TNFRSF10B: variants seen among roughly 807,000 people sequenced by gnomAD.
TNFRSF10B encodes tumor necrosis factor receptor superfamily member 10B.
Under a neutral mutation model 41.4 loss-of-function variants are expected in TNFRSF10B, and 35 were observed. That is an observed-to-expected ratio of 0.85 (90% CI 0.65 to 1.12). The LOEUF (loss-of-function observed/expected upper bound fraction) is 1.12, where lower values mean the gene tolerates loss of function less well. Ranked by LOEUF, TNFRSF10B falls within the 50% of genes most tolerant of loss-of-function variation. TNFRSF10B has a pLI of 0.00. For missense variants in TNFRSF10B, 584 were observed against 552.7 expected (o/e 1.06, Z -0.57); for synonymous variants, 230 against 215.5 (o/e 1.07, Z -0.59).
At position 23,021,518 on chromosome 8, in the gene TNFRSF10B, G is replaced by T. The variant is rs1233151204; in HGVS notation, c.*1153C>A. 1 of 454,132 alleles carries T rather than the reference G, an allele frequency of 2.2e-6. No homozygotes were observed. Among genetic ancestry groups the T allele is most frequent in the Admixed American group, 2.3e-5 (1 of 42,580 alleles). The allele number at this position is 454,132 out of a possible 1,614,324, so 28.1% of individuals were successfully genotyped here. On this transcript the variant is annotated 3_prime_UTR_variant, in exon 9 of 9. Transcript: ENST00000276431. The stretch of plus-strand genomic sequence containing the variant: ...TCTCCTGAGCCCAAACAGGGCTCAA[G>T]TTCACTTGGGATATGACATAGACCC...
rs1445522994 is a variant in TNFRSF10B, at chr8:23,034,449, G to A, written c.251-3577C>T. 3.3e-5 allele frequency among the ~76,000 whole-genome samples: 5 copies of A among 152,300 alleles called. 1 individual carries two copies. Among genetic ancestry groups the A allele is most frequent in the Admixed American group, 1.3e-4 (2 of 15,294 alleles). ...TAGTAAATCAAAAGCAATACCAGAT[G>A]GGCATGGTGGCTCATGTCTGTAATT... On this transcript the variant is annotated intron_variant, in intron 2 of 8. Transcript: ENST00000276431.
Position 23,043,381 on chromosome 8 carries a change from T to A in TNFRSF10B, c.145-138A>T, listed in dbSNP as rs571657307. ...TCTTGCAGCTCTCACCTCTCAAACATCCTTTAGTGTTTGTTTGTCCCTTCA... is the reference window on the plus strand; with the variant it reads ...TCTTGCAGCTCTCACCTCTCAAACAACCTTTAGTGTTTGTTTGTCCCTTCA... On this transcript the variant is annotated intron_variant, in intron 1 of 8. Coordinates refer to ENST00000276431, the MANE Select transcript of TNFRSF10B (RefSeq NM_003842.5). 1.0e-4 allele frequency: 67 copies of A among 671,734 alleles called. No individual in the cohort carries two copies. In the South Asian group the frequency reaches 1.1e-3, roughly 11 times the overall value. The allele number at this position is 671,734 out of a possible 1,614,324, so 41.6% of individuals were successfully genotyped here.
At chr8:23,044,988 G>T (rs932823739) in intron 1 of TNFRSF10B, among the ~76,000 whole-genome samples, 3 of 147,574 alleles carry the variant, frequency 2.0e-5, no homozygotes, top group African/African-American at 7.5e-5. Context: ...GGCCGAGACG[G>T]ATGGATCACT....
chr8:23,035,469 C>T (rs1159979834), intron 2 of TNFRSF10B, among the ~76,000 whole-genome samples: 1 of 152,088 alleles, frequency 6.6e-6, no homozygotes, highest in African/African-American at 2.4e-5. Context: ...CCTTTCCCTT[C>T]CACAAGATAA....
chr8:23,042,265 T>A (rs116704002), intron 2 of TNFRSF10B, among the ~76,000 whole-genome samples: 1 of 152,250 alleles, frequency 6.6e-6, no homozygotes, highest in Non-Finnish European at 1.5e-5. Context: ...ATGTGAGGGT[T>A]TGCCCTCAGG....
Position 23,022,901 on chromosome 8 carries a change from C to T in TNFRSF10B, c.1093G>A (p.Asp365Asn), listed in dbSNP as rs775720998. ...EPLMRKLGLM[D>N]NEIKVAKAEA... The stretch of plus-strand genomic sequence containing the variant: ...GCTTTAGCCACCTTTATCTCATTGT[C>T]CATGAGGCCCAACTTCCTCATGAGC... Residue 365 changes from aspartate (D) to asparagine (N), a missense_variant, in exon 9 of 9, where the codon GAC (aspartate) becomes AAC (asparagine). Asp to Asn is a conservative substitution (Grantham distance 23, BLOSUM62 1). Coordinates refer to ENST00000276431, the MANE Select transcript of TNFRSF10B (RefSeq NM_003842.5). 2 of 1,614,034 alleles carry T rather than the reference C, an allele frequency of 1.2e-6. No homozygotes were observed. The highest frequency in any genetic ancestry group is 1.7e-6 in the Non-Finnish European group (2 of 1,180,006).
rs138074441 is a variant in TNFRSF10B at position 23,059,920 on chromosome 8, T to C, written c.144+8831A>G. 1.3e-3 allele frequency among the ~76,000 whole-genome samples: 191 copies of C among 152,346 alleles called. 1 individual carries two copies. The highest frequency in any genetic ancestry group is 4.3e-3 in the African/African-American group (179 of 41,584). ...TGATTAAAGTATCTTTTCATATACT[T>C]ATTGACCATTTGTATATTTGCTTTG... On this transcript the variant is annotated intron_variant, in intron 1 of 8. Transcript: ENST00000276431.
intron 1 of TNFRSF10B, among the ~76,000 whole-genome samples, chr8:23,065,092 T>C (rs979003543): frequency 1.3e-5 from 2 of 152,200 alleles, no homozygotes; most frequent in African/African-American, 2.4e-5. Context: ...AGGTCCCTGC[T>C]GTCACCTGCT....
At chr8:23,040,047 C>T (rs891992635) in intron 2 of TNFRSF10B, among the ~76,000 whole-genome samples, 1 of 151,584 alleles carries the variant, frequency 6.6e-6, no homozygotes, top group Admixed American at 6.6e-5. Context: ...AAAAATTATC[C>T]AGGCATGGTG....
intron 1 of TNFRSF10B, among the ~76,000 whole-genome samples, chr8:23,058,857 G>A (rs1812745543): frequency 6.6e-6 from 1 of 152,130 alleles, no homozygotes; most frequent in Admixed American, 6.6e-5. Context: ...AATAAATGCT[G>A]TTTTTTTAAA....
At chr8:23,066,758 G>T (rs1315166232) in intron 1 of TNFRSF10B, among the ~76,000 whole-genome samples, 1 of 151,926 alleles carries the variant, frequency 6.6e-6, no homozygotes, top group Non-Finnish European at 1.5e-5. Context: ...TTCGCTGGGC[G>T]TGGTGGTGCA....
intron 1 of TNFRSF10B, among the ~76,000 whole-genome samples, chr8:23,051,895 T>C (rs1812529993): frequency 6.6e-6 from 1 of 152,168 alleles, no homozygotes; most frequent in South Asian, 2.1e-4. Context: ...TCCACAGACA[T>C]GAAGGAAGTT....
intron 7 of TNFRSF10B, among the ~76,000 whole-genome samples, chr8:23,024,869 T>C (rs1170038097): frequency 1.3e-5 from 2 of 149,838 alleles, no homozygotes; most frequent in East Asian, 4.2e-4. Flanking sequence ...AGGCCAGGCA[T>C]GGTGGCTCAC....
At chr8:23,036,559 G>T (rs1034384597) in intron 2 of TNFRSF10B, among the ~76,000 whole-genome samples, 103 of 152,296 alleles carry the variant, frequency 6.8e-4, no homozygotes, top group African/African-American at 2.3e-3. Context: ...AAAGAAATCC[G>T]CTAGGCCGGG....
intron 1 of TNFRSF10B, chr8:23,068,406 A>AGAAAGAAACAGAAAGTAAG (rs1563328440): frequency 2.6e-6 from 1 of 387,628 alleles, no homozygotes; most frequent in Non-Finnish European, 4.7e-6. Flanking sequence ...AGAGAAAAAG[A>AGAAAGAAACAGAAAGTAAG]GAAAGAAACA....
rs57873795 is a variant in TNFRSF10B at position 23,031,584 on chromosome 8, G to A, written c.251-712C>T. Among the ~76,000 whole-genome samples, 1,074 of 151,572 alleles carry A rather than the reference G, an allele frequency of 7.1e-3. 9 individuals carry two copies. Among genetic ancestry groups the A allele is most frequent in the African/African-American group, 0.025 (1,012 of 41,298 alleles). Reference sequence around the variant, plus strand: ...TAGTGTACTTTTTTTTTGTAGAGACGAGGTTTCACCATGTTGCCTAGGCTG... The same window carrying A: ...TAGTGTACTTTTTTTTTGTAGAGACAAGGTTTCACCATGTTGCCTAGGCTG... On this transcript the variant is annotated intron_variant, in intron 2 of 8. Transcript: ENST00000276431.
intron 1 of TNFRSF10B, among the ~76,000 whole-genome samples, chr8:23,060,751 A>T (rs563510590): frequency 1.2e-3 from 185 of 152,344 alleles, no homozygotes; most frequent in African/African-American, 4.2e-3. Context: ...AATTAGTCTT[A>T]TAATTCATAA....
chr8:23,054,215 A>G (rs973807948), intron 1 of TNFRSF10B, among the ~76,000 whole-genome samples: 2 of 152,226 alleles, frequency 1.3e-5, no homozygotes, highest in African/African-American at 4.8e-5. Context: ...AAGAGTTAAA[A>G]TGTTCATTAA....
At chr8:23,064,865 T>A (rs947632988) in intron 1 of TNFRSF10B, among the ~76,000 whole-genome samples, 5 of 152,218 alleles carry the variant, frequency 3.3e-5, no homozygotes, top group African/African-American at 1.2e-4. Flanking sequence ...CACAGAACTT[T>A]AAACACATGC....
Sources: allele counts gnomAD v4.1 joint callset (sites outside exome capture counted in the v4.1 genomes callset), GRCh38; gene constraint gnomAD v4.1.1; transcripts MANE v1.5; gene names NCBI Gene and HGNC (gene_info 2026-07-23, HGNC 2026-07-21).